The following BRINP1 variants were observed in gnomAD, a reference collection of about 807,000 sequenced individuals.
BRINP1 encodes the protein BMP/retinoic acid inducible neural specific 1.
Under a neutral mutation model 72.9 loss-of-function variants are expected in BRINP1, and 17 were observed. That is an observed-to-expected ratio of 0.23 (90% CI 0.16 to 0.35). The LOEUF (loss-of-function observed/expected upper bound fraction) is 0.35. BRINP1 is among the 10% of genes least tolerant of loss of function. The probability of loss-of-function intolerance (pLI) is 1.00; values close to 1 mark genes in which losing one functional copy is unlikely to be tolerated. For synonymous variants in BRINP1, 418 were observed against 378.5 expected, an observed-to-expected ratio of 1.10 and a Z score of -1.21; for missense variants, 850 against 1,001.6, an observed-to-expected ratio of 0.85 and a Z score of 2.04.
At chr9:119,344,690 C>T (rs1300781385) in intron 1 of BRINP1, among the ~76,000 whole-genome samples, 1 of 152,210 alleles carries the variant, frequency 6.6e-6, no homozygotes, top group African/African-American at 2.4e-5. Context: ...CCTACCTCCA[C>T]TTCCCAGTTT....
At chr9:119,264,336 G>C (rs1830527016) in intron 2 of BRINP1, among the ~76,000 whole-genome samples, 1 of 152,190 alleles carries the variant, frequency 6.6e-6, no homozygotes, top group African/African-American at 2.4e-5. Context: ...CCACCCACCT[G>C]GTCCCCCTGA....
At chr9:119,238,197 T>A (rs986645843) in intron 5 of BRINP1, among the ~76,000 whole-genome samples, 3 of 152,126 alleles carry the variant, frequency 2.0e-5, no homozygotes, top group Non-Finnish European at 4.4e-5. Flanking sequence ...AAAACAGTGC[T>A]ATGTGTACTT....
chr9:119,252,563 T>C (rs951103556), intron 2 of BRINP1, among the ~76,000 whole-genome samples: 2 of 152,050 alleles, frequency 1.3e-5, no homozygotes, highest in Non-Finnish European at 2.9e-5. Flanking sequence ...CGTGTGTGTG[T>C]GTGTGTGTGT....
intron 2 of BRINP1, among the ~76,000 whole-genome samples, chr9:119,262,971 C>T (rs76674901): frequency 6.6e-5 from 10 of 152,008 alleles, no homozygotes; most frequent in African/African-American, 1.5e-4. Context: ...TACATTTTGC[C>T]GGAGGAAGTA....
intron 2 of BRINP1, among the ~76,000 whole-genome samples, chr9:119,299,516 G>A (rs1830917948): frequency 6.6e-6 from 1 of 151,958 alleles, no homozygotes; most frequent in Admixed American, 6.6e-5. Flanking sequence ...GGAAGGCTGA[G>A]GCAGGAGAAT....
In BRINP1 at chr9:119,202,803, G is replaced by A. The variant is rs540121772; in HGVS notation, c.1145+5916C>T. 2.5e-4 allele frequency among the ~76,000 whole-genome samples: 38 copies of A among 152,264 alleles called. No individual in the cohort carries two copies. The South Asian group carries it at 7.3e-3, about 29-fold the overall frequency. On this transcript the variant is annotated intron_variant, in intron 7 of 7. Coordinates refer to ENST00000265922, the MANE Select transcript of BRINP1 (RefSeq NM_014618.3). Reference sequence around the variant, plus strand: ...TGGTCCCCATCAACAGGTGTGGTCCGGAATTATCTTGTTGCTGTCCTCTCA... The same window carrying A: ...TGGTCCCCATCAACAGGTGTGGTCCAGAATTATCTTGTTGCTGTCCTCTCA...
At chr9:119,226,149 C>T (rs1047880649) in intron 5 of BRINP1, among the ~76,000 whole-genome samples, 1 of 151,932 alleles carries the variant, frequency 6.6e-6, no homozygotes, top group African/African-American at 2.4e-5. Flanking sequence ...GCTTTGTTGA[C>T]AGTGCAAAAG....
chr9:119,311,852 C>G (rs1398216138), intron 2 of BRINP1, among the ~76,000 whole-genome samples: 1 of 152,190 alleles, frequency 6.6e-6, no homozygotes, highest in Non-Finnish European at 1.5e-5. Context: ...GGGGAGGCAT[C>G]CAACAGAATG....
intron 2 of BRINP1, chr9:119,282,881 C>G: frequency 1.0e-6 from 1 of 985,364 alleles, no homozygotes; most frequent in Non-Finnish European, 1.2e-6. Flanking sequence ...TTGCGCTTTT[C>G]CCTGTGTACC....
chr9:119,185,159 A>G (rs1005760366), intron 7 of BRINP1, among the ~76,000 whole-genome samples: 4 of 152,122 alleles, frequency 2.6e-5, no homozygotes, highest in Non-Finnish European at 5.9e-5. Context: ...AATACCCACC[A>G]ACTGGTAGCA....
At chr9:119,289,804 TCTGAA>T (rs1830803882) in intron 2 of BRINP1, among the ~76,000 whole-genome samples, 1 of 152,200 alleles carries the variant, frequency 6.6e-6, no homozygotes, top group African/African-American at 2.4e-5. Context: ...GTGTTTTGAT[TCTGAA>T]CTGATCACAT....
chr9:119,228,069 G>C (rs1830110744), intron 5 of BRINP1, among the ~76,000 whole-genome samples: 1 of 151,948 alleles, frequency 6.6e-6, no homozygotes. Flanking sequence ...TGAGAAATGG[G>C]ATTACCGACA....
At chr9:119,319,582 TGA>T (rs1282584170) in intron 1 of BRINP1, among the ~76,000 whole-genome samples, 1 of 152,194 alleles carries the variant, frequency 6.6e-6, no homozygotes, top group Non-Finnish European at 1.5e-5. Context: ...CCAGATAATA[TGA>T]GAGTCACATT....
rs1320199636 is a variant in BRINP1 at position 119,237,806 on chromosome 9, C to T, written c.685+849G>A. Among the ~76,000 whole-genome samples the T allele has an allele frequency of 6.6e-5, 10 of 151,858 alleles. No individual in the cohort carries two copies. The East Asian group carries it at 1.9e-3, about 29-fold the overall frequency. ...CCTTCTGAATAGCTCGGACTATAGG[C>T]GCACACCACCGCGCCCAGCTAATTT... On this transcript the variant is annotated intron_variant, in intron 5 of 7. Transcript: ENST00000265922.
intron 2 of BRINP1, among the ~76,000 whole-genome samples, chr9:119,269,349 A>G (rs553123241): frequency 6.6e-6 from 1 of 152,228 alleles, no homozygotes; most frequent in South Asian, 2.1e-4. Context: ...TCGTGGAATG[A>G]TTCACCCTCC....
At chr9:119,303,291 GACACACACACACAC>G (rs35386714) in intron 2 of BRINP1, among the ~76,000 whole-genome samples, 2 of 117,454 alleles carry the variant, frequency 1.7e-5, no homozygotes, top group Admixed American at 9.5e-5. Context: ...CACACACACA[GACACACACACACAC>G]ACACACACAC....
At chr9:119,303,751 T>C (rs1830964857) in intron 2 of BRINP1, among the ~76,000 whole-genome samples, 1 of 152,204 alleles carries the variant, frequency 6.6e-6, no homozygotes, top group South Asian at 2.1e-4. Context: ...CTGCAGTTGT[T>C]GGAAGTCCAG....
chr9:119,266,836 T>C lies in BRINP1; in HGVS notation c.219-17686A>G, dbSNP rs187891430. On this transcript the variant is annotated intron_variant, in intron 2 of 7. Coordinates refer to ENST00000265922, the MANE Select transcript of BRINP1 (RefSeq NM_014618.3). ...TGTTGCAAATGAAAGAATTTCTTTC[T>C]TTTTTAAGGCTGAATAGGAGGACTT... Among the ~76,000 whole-genome samples the C allele has an allele frequency of 7.2e-5, 11 of 152,378 alleles. No homozygotes were observed. The East Asian group carries it at 1.9e-3, about 27-fold the overall frequency.
chr9:119,319,373 A>G (rs1831161249), intron 1 of BRINP1, among the ~76,000 whole-genome samples: 1 of 152,254 alleles, frequency 6.6e-6, no homozygotes, highest in African/African-American at 2.4e-5. Context: ...CTGTTGATTT[A>G]GAACATCACA....
Sources: gnomAD v4.1 joint callset for allele counts (sites outside exome capture counted in the v4.1 genomes callset) on GRCh38, gnomAD v4.1.1 for gene constraint, MANE v1.5 for transcripts, NCBI Gene and HGNC (gene_info 2026-07-23, HGNC 2026-07-21) for gene names.